FLVCR2: variants seen among roughly 807,000 people sequenced by gnomAD.
FLVCR2 encodes FLVCR choline and putative heme transporter 2.
Under a neutral mutation model 48.9 loss-of-function variants are expected in FLVCR2, and 38 were observed. The observed-to-expected ratio is 0.78, with a 90% CI of 0.60 to 1.02. The LOEUF (loss-of-function observed/expected upper bound fraction) is 1.02. FLVCR2 is among the 50% of genes least tolerant of loss of function. The pLI, the probability that FLVCR2 is intolerant of heterozygous loss-of-function variation, is 0.00. For missense variants in FLVCR2, 664 were observed against 663.3 expected (o/e 1.00, Z -0.01); for synonymous variants, 255 against 257.0 (o/e 0.99, Z 0.07).
rs74800655 is a variant in FLVCR2, at chr14:75,591,823, T to C, written c.669+12182T>C. ...CTTCATTCCTTTTTTTTTTTTTTTT[T>C]TTTTTTTTGACAAAGGGTCTTACTC... On this transcript the variant is annotated intron_variant, in intron 1 of 9. Transcript: ENST00000238667. Among the ~76,000 whole-genome samples the C allele has an allele frequency of 2.7e-5, 4 of 146,722 alleles. No individual in the cohort carries two copies. The East Asian group carries it at 7.8e-4, about 29-fold the overall frequency.
At chr14:75,623,856 G>T (rs1889823166) in intron 2 of FLVCR2, among the ~76,000 whole-genome samples, 3 of 152,054 alleles carry the variant, frequency 2.0e-5, no homozygotes, top group Non-Finnish European at 1.5e-5. Context: ...TTCAAGACCA[G>T]CCTAGCCAAA....
At chr14:75,594,737 A>G (rs968986611) in intron 1 of FLVCR2, among the ~76,000 whole-genome samples, 6 of 144,012 alleles carry the variant, frequency 4.2e-5, no homozygotes, top group African/African-American at 1.7e-4. Flanking sequence ...TTTTTTTTTT[A>G]AGAGACAAGG....
intron 3 of FLVCR2, among the ~76,000 whole-genome samples, chr14:75,626,551 A>T (rs1022686542): frequency 6.6e-6 from 1 of 151,880 alleles, no homozygotes; most frequent in African/African-American, 2.4e-5. Flanking sequence ...CATTTCCTCC[A>T]GTTTCTCAAT....
rs987629767 is a variant in FLVCR2, at chr14:75,646,516, T to G, written c.*44T>G. On this transcript the variant is annotated 3_prime_UTR_variant, in exon 10 of 10. Coordinates refer to ENST00000238667, the MANE Select transcript of FLVCR2 (RefSeq NM_017791.3). The stretch of plus-strand genomic sequence containing the variant: ...TCAGGGAACACGAACACCCCACCTT[T>G]TCCTTCAGCACAGCTCTCACCGCCA... The G allele has an allele frequency of 5.1e-6, 7 of 1,382,500 alleles. No individual in the cohort carries two copies. Among genetic ancestry groups the G allele is most frequent in the Non-Finnish European group, 7.2e-6 (7 of 969,392 alleles). 85.6% of individuals were successfully genotyped at this position (1,382,500 alleles called of 1,614,324 possible).
chr14:75,586,277 C>A (rs1351509422), intron 1 of FLVCR2, among the ~76,000 whole-genome samples: 1 of 151,636 alleles, frequency 6.6e-6, no homozygotes, highest in Non-Finnish European at 1.5e-5. Flanking sequence ...AAAGTACATT[C>A]TCAAGGGTGG....
chr14:75,593,775 T>C (rs1888949747), intron 1 of FLVCR2, among the ~76,000 whole-genome samples: 1 of 152,266 alleles, frequency 6.6e-6, no homozygotes, highest in African/African-American at 2.4e-5. Flanking sequence ...TCTCATTGTC[T>C]TGATGAATAG....
chr14:75,645,036 GT>G (rs1566799294), intron 9 of FLVCR2, among the ~76,000 whole-genome samples: 10,510 of 146,730 alleles, frequency 0.072, 695 homozygotes, highest in African/African-American at 0.15. Flanking sequence ...CGGGCGTGGT[GT>G]GTGTGTGTGT....
Position 75,640,940 on chromosome 14 carries a change from T to A in FLVCR2, c.1236-15T>A, listed in dbSNP as rs1890294996. 6.3e-7 allele frequency: 1 copy of A among 1,586,328 alleles called. No homozygotes were observed. The highest frequency in any genetic ancestry group is 8.7e-7 in the Non-Finnish European group (1 of 1,154,586). ...GAAGTTCTTCATCCCCTTGTTTCTC[T>A]GGTCTGGTCTTCAGCTTCTTTATGA... is the stretch of plus-strand genomic sequence containing the variant. On this transcript the variant is annotated splice_polypyrimidine_tract_variant and intron_variant, in intron 6 of 9. Transcript: ENST00000238667.
At chr14:75,609,950 C>G (rs1267603815) in intron 1 of FLVCR2, among the ~76,000 whole-genome samples, 1 of 152,180 alleles carries the variant, frequency 6.6e-6, no homozygotes, top group Non-Finnish European at 1.5e-5. Flanking sequence ...CGGAGAATCC[C>G]TCTGTTGGCT....
chr14:75,583,134 A>T lies in FLVCR2; in HGVS notation c.669+3493A>T, dbSNP rs566882668. ...GGGATGAAGGGTGCAAAGGAATAGT[A>T]AAGAAAGCATGTTTGAGATCCAGAA... On this transcript the variant is annotated intron_variant, in intron 1 of 9. Transcript: ENST00000238667. Among the ~76,000 whole-genome samples, 8 of 152,296 alleles carry T rather than the reference A, an allele frequency of 5.3e-5. No homozygotes were observed. In the East Asian group the frequency reaches 1.2e-3, roughly 22 times the overall value.
intron 9 of FLVCR2, 69 bp from the exon 10 acceptor site, chr14:75,646,332 C>T: frequency 1.9e-6 from 2 of 1,068,132 alleles, no homozygotes; most frequent in Non-Finnish European, 2.9e-6. Context: ...CATGGCCAGG[C>T]AGCTGCTCCA....
At chr14:75,594,478 T>G (rs1042616136) in intron 1 of FLVCR2, among the ~76,000 whole-genome samples, 4 of 152,236 alleles carry the variant, frequency 2.6e-5, no homozygotes, top group African/African-American at 9.6e-5. Context: ...AGTTTTATGC[T>G]ACTATCACAG....
rs10629813 is a variant in FLVCR2, at chr14:75,616,026, C to CAAAAAAAAAAAA, written c.670-6042_670-6031dup. Reference sequence around the variant, plus strand: ...TGGGTGACAGAGTGAGACTCCATCTCAAAAAAAAAAAAAAAAAAAAAATAG... The same window carrying CAAAAAAAAAAAA: ...TGGGTGACAGAGTGAGACTCCATCTCAAAAAAAAAAAAAAAAAAAAAAAAAAAAAAAAAATAG... On this transcript the variant is annotated intron_variant, in intron 1 of 9. Coordinates refer to ENST00000238667, the MANE Select transcript of FLVCR2 (RefSeq NM_017791.3). Among the ~76,000 whole-genome samples, 242 of 25,606 alleles carry CAAAAAAAAAAAA rather than the reference C, an allele frequency of 9.5e-3. 53 individuals are homozygous for CAAAAAAAAAAAA. The highest frequency in any genetic ancestry group is 1.0e-2 in the Non-Finnish European group (153 of 15,374). The allele number at this position is 25,606 out of a possible 152,430, so 16.8% of individuals were successfully genotyped here. A position where few individuals can be genotyped will look rare whatever the true frequency, so the allele number is the denominator to read the frequency against.
At chr14:75,591,618 G>T (rs934393761) in intron 1 of FLVCR2, among the ~76,000 whole-genome samples, 4 of 152,108 alleles carry the variant, frequency 2.6e-5, no homozygotes, top group Admixed American at 2.6e-4. Flanking sequence ...AGCATTTTGG[G>T]GTCCTTGCGG....
intron 1 of FLVCR2, among the ~76,000 whole-genome samples, chr14:75,602,919 C>G (rs1889200579): frequency 6.6e-6 from 1 of 152,224 alleles, no homozygotes; most frequent in Non-Finnish European, 1.5e-5. Context: ...TGTTCCCCTG[C>G]TGCCCTCATC....
At chr14:75,635,991 C>T (rs1890159288) in intron 5 of FLVCR2, among the ~76,000 whole-genome samples, 1 of 152,342 alleles carries the variant, frequency 6.6e-6, no homozygotes, top group East Asian at 1.9e-4. Context: ...GCCTGGGTGC[C>T]TCCATTCAGC....
At chr14:75,621,967 T>G in intron 1 of FLVCR2, 112 bp from the exon 2 acceptor site, 1 of 1,102,004 alleles carries the variant, frequency 9.1e-7, no homozygotes, top group Non-Finnish European at 1.4e-6. Flanking sequence ...GCATGGGTGT[T>G]AGGAAGGATT....
chr14:75,627,854 A>G (rs1039606744), intron 3 of FLVCR2, among the ~76,000 whole-genome samples: 1 of 152,254 alleles, frequency 6.6e-6, no homozygotes, highest in Admixed American at 6.5e-5. Context: ...GCCAAAAAGA[A>G]AATGATTCTT....
At chr14:75,611,812 G>T (rs774266106) in intron 1 of FLVCR2, among the ~76,000 whole-genome samples, 5 of 152,154 alleles carry the variant, frequency 3.3e-5, no homozygotes, top group African/African-American at 9.6e-5. Context: ...ACTTCAGGGG[G>T]TAGTTGTGAG....
Sources: allele counts gnomAD v4.1 joint callset (sites outside exome capture counted in the v4.1 genomes callset), GRCh38; gene constraint gnomAD v4.1.1; transcripts MANE v1.5; gene names NCBI Gene and HGNC (gene_info 2026-07-23, HGNC 2026-07-21).